DBF4B: variants seen among roughly 807,000 people sequenced by gnomAD.
DBF4B encodes the protein DBF4B-CDC7 kinase regulatory subunit.
A neutral mutation model predicts 53.4 loss-of-function variants in DBF4B; 49 were observed. The ratio of observed to expected loss-of-function variants is 0.92; its 90% CI spans 0.73 to 1.16. The LOEUF is 1.16. Ranked by LOEUF, DBF4B falls within the 50% of genes most tolerant of loss-of-function variation. The pLI is 0.00. For synonymous variants in DBF4B, 257 were observed against 288.7 expected (o/e 0.89, Z 1.11); for missense variants, 692 against 775.0 (o/e 0.89, Z 1.27).
Position 44,749,097 on chromosome 17 carries a change from C to T in DBF4B, c.1189+632C>T. ...CAGCTCCAGGCTGGCCATCAGCTCCCCTGTACTCAGCTACCAGTGTGCAGC... is the reference window on the plus strand; with the variant it reads ...CAGCTCCAGGCTGGCCATCAGCTCCTCTGTACTCAGCTACCAGTGTGCAGC... On this transcript the variant is annotated intron_variant, in intron 13 of 13. Transcript: ENST00000315005. The surrounding 1 kb of genome is among the most constrained non-coding windows in gnomAD (Gnocchi z 4.4). The T allele has an allele frequency of 7.8e-7, 1 of 1,289,778 alleles. No individual in the cohort carries two copies. Among genetic ancestry groups the T allele is most frequent in the Non-Finnish European group, 1.0e-6 (1 of 988,844 alleles). 79.9% of individuals were successfully genotyped at this position (1,289,778 alleles called of 1,614,324 possible).
intron 9 of DBF4B, 82 bp downstream of exon 9, chr17:44,738,506 A>C (rs1471501779): frequency 1.4e-6 from 2 of 1,432,552 alleles, no homozygotes; most frequent in African/African-American, 2.8e-5. Flanking sequence ...AGGGGCCTCA[A>C]GCTAATGTGA....
intron 3 of DBF4B, among the ~76,000 whole-genome samples, chr17:44,725,456 G>A (rs1445052536): frequency 2.0e-5 from 3 of 151,882 alleles, no homozygotes; most frequent in African/African-American, 4.8e-5. Flanking sequence ...AAATTCATCC[G>A]TTTAAAGTAC....
At chr17:44,729,853 C>A in intron 3 of DBF4B, 52 bp from the exon 4 acceptor site, 3 of 1,587,106 alleles carry the variant, frequency 1.9e-6, no homozygotes, top group Non-Finnish European at 2.6e-6. Flanking sequence ...TTTATATTGA[C>A]AATTCTGCAT....
chr17:44,751,282 C>G lies in DBF4B; in HGVS notation c.*29C>G. The G allele has an allele frequency of 6.3e-7, 1 of 1,595,830 alleles. No homozygotes were observed. On this transcript the variant is annotated 3_prime_UTR_variant, in exon 14 of 14. Transcript: ENST00000315005. The stretch of plus-strand genomic sequence containing the variant: ...TGAACCCAGAACACCTGAGACTTGA[C>G]CCAGGATGGATGGGTGCTGCTTGAT...
At position 44,732,215 on chromosome 17, in the gene DBF4B, G is replaced by T; in HGVS notation, c.506G>T (p.Ser169Ile). ...GGAGGAGGCAGTGGGGGCAGCAGCA[G>T]CCTCCTGACCAATGCCCGCTCTTGG... Reference protein sequence around the residue: ...ISGGGSGGSSSLLTNARSWGV... With the variant: ...ISGGGSGGSSILLTNARSWGV... Residue 169 changes from serine (S) to isoleucine (I), a missense_variant, in exon 6 of 14, where the codon AGC becomes ATC. Transcript: ENST00000315005. The T allele has an allele frequency of 6.2e-7, 1 of 1,614,144 alleles. No individual in the cohort carries two copies. The highest frequency in any genetic ancestry group is 8.5e-7 in the Non-Finnish European group (1 of 1,180,022).
chr17:44,751,040 C>A lies in DBF4B; in HGVS notation c.1635C>A (p.Tyr545Ter), dbSNP rs749970973. 80 of 1,614,074 alleles carry A rather than the reference C, an allele frequency of 5.0e-5. No homozygotes were observed. The highest frequency in any genetic ancestry group is 6.5e-5 in the Non-Finnish European group (77 of 1,180,032). ...CCTGTCTCAGACTTGGATACCTTTA[C>A]CTGCTGCTCACACAAAGCCTGTGGT... ...PCPCLRLGYL[Y>*]LLLTQSLWCR... The change falls in exon 14 of 14, where the codon TAC becomes TAA. Residue 545 changes from tyrosine to a stop codon, truncating the protein, a stop_gained. Coordinates refer to ENST00000315005, the MANE Select transcript of DBF4B (RefSeq NM_145663.3). LOFTEE classifies it low-confidence loss of function (END_TRUNC).
At chr17:44,709,276 G>A (rs1402907977) in intron 1 of DBF4B, 28 bp from the exon 2 acceptor site, 1 of 1,613,934 alleles carries the variant, frequency 6.2e-7, no homozygotes, top group East Asian at 2.2e-5. Flanking sequence ...GGTGAAGATG[G>A]TTGAGTTGCT....
rs1973973051 is a variant in DBF4B, at chr17:44,722,872, T to C, written c.83-8T>C. 6.2e-7 allele frequency: 1 copy of C among 1,612,958 alleles called. No individual in the cohort carries two copies. ...CTTCTTACTTTGCTCCTCTTTATTGTTTTCTAGGAGTTTCCAGGTGTCTAG... is the reference window on the plus strand; with the variant it reads ...CTTCTTACTTTGCTCCTCTTTATTGCTTTCTAGGAGTTTCCAGGTGTCTAG... On this transcript the variant is annotated splice_region_variant and splice_polypyrimidine_tract_variant and intron_variant, in intron 2 of 13. Coordinates refer to ENST00000315005, the MANE Select transcript of DBF4B (RefSeq NM_145663.3).
In DBF4B at chr17:44,731,007, A is replaced by G. The variant is rs766827397; in HGVS notation, c.460A>G (p.Arg154Gly). Reference protein sequence around the residue: ...RGKELLQKAIRNQGSISGGGS... With the variant: ...RGKELLQKAIGNQGSISGGGS... Reference sequence around the variant, plus strand: ...GAAGGAGCTGCTGCAGAAGGCTATCAGAAACCAGGTGAGCTGGGGCAAGAT... The same window carrying G: ...GAAGGAGCTGCTGCAGAAGGCTATCGGAAACCAGGTGAGCTGGGGCAAGAT... The change falls in exon 5 of 14, where the codon AGA (arginine) becomes GGA (glycine). Residue 154 changes from arginine to glycine, a missense_variant. Arg to Gly is a moderately radical substitution (Grantham distance 125). This residue lies in a region of DBF4B where 597 missense variants were observed against 665.8 expected (regional missense o/e 0.90). Transcript: ENST00000315005. 38 of 1,613,964 alleles carry G rather than the reference A, an allele frequency of 2.4e-5. No individual in the cohort carries two copies. The highest frequency in any genetic ancestry group is 3.3e-5 in the Admixed American group (2 of 60,000).
chr17:44,743,891 G>A (rs12951968), intron 10 of DBF4B, among the ~76,000 whole-genome samples: 1 of 149,690 alleles, frequency 6.7e-6, no homozygotes, highest in African/African-American at 2.5e-5. Context: ...TACAGGTGTG[G>A]GCCACCACAC....
rs2049197559 is a variant in DBF4B at position 44,749,049 on chromosome 17, T to A, written c.1189+584T>A. 7.8e-7 allele frequency: 1 copy of A among 1,289,820 alleles called. No individual in the cohort carries two copies. The highest frequency in any genetic ancestry group is 1.0e-6 in the Non-Finnish European group (1 of 988,848). The allele number at this position is 1,289,820 out of a possible 1,614,324, so 79.9% of individuals were successfully genotyped here. ...CCACTGGCCCTGTATCCCAGGAGGC[T>A]GGCCAGCTCCTCAGCTGCCCCACAG... On this transcript the variant is annotated intron_variant, in intron 13 of 13. Coordinates refer to ENST00000315005, the MANE Select transcript of DBF4B (RefSeq NM_145663.3). This position sits in a 1 kb window ranked among gnomAD's most constrained non-coding sequence, Gnocchi z 4.4.
chr17:44,748,501 C>T (rs200287987), intron 13 of DBF4B, 36 bp downstream of exon 13: 60 of 1,612,762 alleles, frequency 3.7e-5, no homozygotes, highest in Middle Eastern at 3.3e-4. Flanking sequence ...GGACAGCACG[C>T]AGGCACCAGC....
chr17:44,739,951 G>T (rs1975835421), intron 9 of DBF4B, among the ~76,000 whole-genome samples: 1 of 152,220 alleles, frequency 6.6e-6, no homozygotes. Context: ...TTTTTGTAGA[G>T]ACGGGGTTTG....
At chr17:44,722,651 A>C (rs774641289) in intron 2 of DBF4B, among the ~76,000 whole-genome samples, 11 of 152,226 alleles carry the variant, frequency 7.2e-5, no homozygotes, top group Non-Finnish European at 1.3e-4. Context: ...TCTAAGGAAG[A>C]AGTGAAGAAG....
intron 2 of DBF4B, among the ~76,000 whole-genome samples, chr17:44,711,469 C>A (rs1972860399): frequency 6.6e-6 from 1 of 152,104 alleles, no homozygotes; most frequent in Non-Finnish European, 1.5e-5. Flanking sequence ...GTAGCTATGT[C>A]TTCAGGTGCA....
At chr17:44,746,978 C>A in intron 10 of DBF4B, 105 bp from the exon 11 acceptor site, 2 of 1,050,254 alleles carry the variant, frequency 1.9e-6, no homozygotes, top group Non-Finnish European at 2.9e-6. Context: ...CCTTGGCCAT[C>A]TTGGTCCTTC....
At chr17:44,733,995 G>GTATCATTAAAAA in intron 6 of DBF4B, 95 bp from the exon 7 acceptor site, 2 of 1,002,640 alleles carry the variant, frequency 2.0e-6, no homozygotes, top group Admixed American at 1.8e-5. Context: ...TCAGTGGGCT[G>GTATCATTAAAAA]GCCCAGCGAG....
intron 2 of DBF4B, among the ~76,000 whole-genome samples, chr17:44,709,896 G>A (rs1394182185): frequency 1.3e-5 from 2 of 151,598 alleles, no homozygotes; most frequent in Non-Finnish European, 2.9e-5. Flanking sequence ...CTAGTTGGCC[G>A]GGCGCGGCTG....
chr17:44,714,858 TA>T (rs1051010147), intron 2 of DBF4B, among the ~76,000 whole-genome samples: 1 of 151,650 alleles, frequency 6.6e-6, no homozygotes, highest in Non-Finnish European at 1.5e-5. Flanking sequence ...TTATTATTAT[TA>T]TTTTTTTTAA....
Sources: allele counts gnomAD v4.1 joint callset (sites outside exome capture counted in the v4.1 genomes callset), GRCh38; gene constraint gnomAD v4.1.1; regional missense constraint gnomAD v4.1.1; non-coding constraint Gnocchi (gnomAD v3.1); transcripts MANE v1.5; gene names NCBI Gene and HGNC (gene_info 2026-07-23, HGNC 2026-07-21).